The following PPP4R1 variants were observed in gnomAD, a reference collection of about 807,000 sequenced individuals.
PPP4R1 encodes serine/threonine-protein phosphatase 4 regulatory subunit 1.
A neutral mutation model predicts 111.2 loss-of-function variants in PPP4R1; 42 were observed. The ratio of observed to expected loss-of-function variants is 0.38; its 90% confidence interval spans 0.29 to 0.49. The LOEUF (loss-of-function observed/expected upper bound fraction) is 0.49. Ranked by LOEUF, PPP4R1 falls within the 20% of genes least tolerant of loss-of-function variation. PPP4R1 has a pLI of 0.97. For missense variants in PPP4R1, 1,012 were observed against 1,161.6 expected (o/e 0.87, Z 1.87); for synonymous variants, 409 against 405.5 (o/e 1.01, Z -0.10).
chr18:9,587,107 C>T (rs1210950010), intron 6 of PPP4R1, among the ~76,000 whole-genome samples: 3 of 152,210 alleles, frequency 2.0e-5, no homozygotes, highest in African/African-American at 7.2e-5. Flanking sequence ...TTTATTTCCA[C>T]TGTGCTTACA....
chr18:9,611,986 C>T (rs2067588719), intron 2 of PPP4R1, among the ~76,000 whole-genome samples: 1 of 150,776 alleles, frequency 6.6e-6, no homozygotes, highest in South Asian at 2.1e-4. Flanking sequence ...GCACTCCAGC[C>T]TGGGCAACAA....
chr18:9,567,452 C>T (rs762838268), intron 11 of PPP4R1, among the ~76,000 whole-genome samples: 1 of 152,138 alleles, frequency 6.6e-6, no homozygotes, highest in Non-Finnish European at 1.5e-5. Context: ...CAGCCTTGAA[C>T]TCCTGGTCTC....
At position 9,570,190 on chromosome 18, in the gene PPP4R1, G is replaced by A. The variant is rs781139855; in HGVS notation, c.1540C>T (p.Leu514=). The change falls in exon 11 of 20, where the codon CTA becomes TTA. Residue 514 remains leucine (L), a synonymous_variant. Transcript: ENST00000400556. ...RKELEEMIEN[L]EPHIDDPDVK... Reference sequence around the variant, plus strand: ...TCTGGATCATCAATGTGGGGCTCTAGATTTTCTATCATTTCTTCCAGTTCC... The same window carrying A: ...TCTGGATCATCAATGTGGGGCTCTAAATTTTCTATCATTTCTTCCAGTTCC... 2.6e-6 allele frequency: 4 copies of A among 1,541,052 alleles called. No homozygotes were observed. Among genetic ancestry groups the A allele is most frequent in the Non-Finnish European group, 3.5e-6 (4 of 1,146,384 alleles).
chr18:9,587,912 T>A (rs1252222724), intron 6 of PPP4R1, among the ~76,000 whole-genome samples, 177 bp downstream of exon 6: 1 of 151,506 alleles, frequency 6.6e-6, no homozygotes, highest in Non-Finnish European at 1.5e-5. Flanking sequence ...GAGCCAGGTG[T>A]CACCATATTG....
At chr18:9,556,007 C>A (rs146746362) in intron 15 of PPP4R1, among the ~76,000 whole-genome samples, 22 of 147,330 alleles carry the variant, frequency 1.5e-4, no homozygotes, top group Non-Finnish European at 1.9e-4. Context: ...CAAAAAAACA[C>A]AAAATCGGCC....
chr18:9,588,618 T>G, intron 5 of PPP4R1, 93 bp downstream of exon 5: 1 of 1,281,358 alleles, frequency 7.8e-7, no homozygotes, highest in Non-Finnish European at 1.1e-6. Flanking sequence ...TGAAAAACAG[T>G]AAAACATTCC....
At position 9,577,237 on chromosome 18, in the gene PPP4R1, G is replaced by T. The variant is rs1357281800; in HGVS notation, c.919-46C>A. ...ATAATAAAGGAATCATTTTGAAAAA[G>T]AATTATATACGCACACATTATGTAT... On this transcript the variant is annotated intron_variant, in intron 9 of 19. Transcript: ENST00000400556. 4 of 1,533,910 alleles carry T rather than the reference G, an allele frequency of 2.6e-6. No homozygotes were observed. The South Asian group carries it at 3.6e-5, about 14-fold the overall frequency.
chr18:9,610,177 A>G (rs1297972675), intron 2 of PPP4R1, among the ~76,000 whole-genome samples: 1 of 152,262 alleles, frequency 6.6e-6, no homozygotes, highest in African/African-American at 2.4e-5. Context: ...TTAGGAATCT[A>G]CCAACTTAAA....
chr18:9,571,968 C>G (rs2066869471), intron 10 of PPP4R1, among the ~76,000 whole-genome samples: 1 of 152,204 alleles, frequency 6.6e-6, no homozygotes, highest in Non-Finnish European at 1.5e-5. Flanking sequence ...GCAGGAATTA[C>G]AGACATGCAG....
intron 6 of PPP4R1, among the ~76,000 whole-genome samples, chr18:9,586,922 C>CA (rs200081723): frequency 6.3e-4 from 95 of 150,744 alleles, no homozygotes; most frequent in Middle Eastern, 3.4e-3. Context: ...CAAACCATGT[C>CA]AAAAAAAAAC....
intron 2 of PPP4R1, among the ~76,000 whole-genome samples, chr18:9,611,547 G>T (rs1196053450): frequency 6.6e-6 from 1 of 152,178 alleles, no homozygotes; most frequent in Non-Finnish European, 1.5e-5. Context: ...AAAGTCCTTT[G>T]TTCCTGAATA....
intron 13 of PPP4R1, among the ~76,000 whole-genome samples, chr18:9,561,151 G>A (rs1183289207): frequency 1.3e-5 from 2 of 149,684 alleles, no homozygotes; most frequent in Non-Finnish European, 3.0e-5. Context: ...CCCAGGAGGC[G>A]GAGGCTGCAG....
intron 2 of PPP4R1, among the ~76,000 whole-genome samples, chr18:9,598,078 T>C (rs929774248): frequency 4.6e-5 from 7 of 152,000 alleles, no homozygotes; most frequent in African/African-American, 1.7e-4. Context: ...TTAAACATTA[T>C]AGAGGAAAAA....
chr18:9,572,726 T>C (rs956645286), intron 10 of PPP4R1, among the ~76,000 whole-genome samples: 2 of 152,250 alleles, frequency 1.3e-5, no homozygotes, highest in Non-Finnish European at 1.5e-5. Flanking sequence ...CCTCTCATCA[T>C]AATGCTGTTT....
chr18:9,602,765 G>A (rs1435048915), intron 2 of PPP4R1, among the ~76,000 whole-genome samples: 1 of 148,644 alleles, frequency 6.7e-6, no homozygotes, highest in Admixed American at 6.8e-5. Flanking sequence ...AAGTTGCAGC[G>A]AGCTGAAATC....
upstream of PPP4R1, chr18:9,615,250 T>G (rs2067674939): frequency 6.6e-6 from 1 of 152,290 alleles, no homozygotes; most frequent in South Asian, 2.1e-4. Flanking sequence ...TCCCACGTCC[T>G]GCCAACTCGA....
intron 9 of PPP4R1, among the ~76,000 whole-genome samples, chr18:9,579,885 G>A (rs1374559948): frequency 6.6e-6 from 1 of 152,068 alleles, no homozygotes; most frequent in Non-Finnish European, 1.5e-5. Context: ...GTATCCACAA[G>A]GGGTCCTGGA....
At chr18:9,615,434 G>A (rs1292074151), upstream of PPP4R1, 10 of 152,238 alleles carry the variant, frequency 6.6e-5, no homozygotes, top group Admixed American at 6.5e-4. Flanking sequence ...GGTTCTTGAT[G>A]TCTAGGAGGT....
chr18:9,607,028 C>T (rs1291511841), intron 2 of PPP4R1, among the ~76,000 whole-genome samples: 1 of 152,120 alleles, frequency 6.6e-6, no homozygotes, highest in Non-Finnish European at 1.5e-5. Context: ...TGAGTTATTT[C>T]TATCAAAAAT....
Sources: gnomAD v4.1 joint callset for allele counts (sites outside exome capture counted in the v4.1 genomes callset) on GRCh38, gnomAD v4.1.1 for gene constraint, MANE v1.5 for transcripts, NCBI Gene and HGNC (gene_info 2026-07-23, HGNC 2026-07-21) for gene names.